Variants in NAALADL2 observed in about 807,000 individuals in gnomAD.
NAALADL2 encodes inactive N-acetylated-alpha-linked acidic dipeptidase-like protein 2.
Under a neutral mutation model 87.2 loss-of-function variants are expected in NAALADL2, and 76 were observed. That is an observed-to-expected ratio of 0.87 (90% CI 0.72 to 1.05). The LOEUF (loss-of-function observed/expected upper bound fraction) is 1.05. NAALADL2 is among the 50% of genes least tolerant of loss of function. The probability of loss-of-function intolerance (pLI) is 0.00; values close to 1 mark genes in which losing one functional copy is unlikely to be tolerated. For synonymous variants in NAALADL2, 354 were observed against 331.0 expected (o/e 1.07, Z -0.75); for missense variants, 1,089 against 945.8 (o/e 1.15, Z -1.99).
At chr3:175,334,635 GT>G (rs34922971) in intron 5 of NAALADL2, among the ~76,000 whole-genome samples, 3 of 151,938 alleles carry the variant, frequency 2.0e-5, no homozygotes, top group Non-Finnish European at 2.9e-5. Context: ...CTTTGTTGGA[GT>G]TTTTTTCCCC....
intron 2 of NAALADL2, among the ~76,000 whole-genome samples, chr3:175,221,582 G>T (rs565715445): frequency 6.6e-6 from 1 of 151,864 alleles, no homozygotes; most frequent in Non-Finnish European, 1.5e-5. Context: ...TGCATTTTTT[G>T]GTACCTTCAA....
chr3:175,513,657 TCTGTC>T (rs1400371745), intron 9 of NAALADL2, among the ~76,000 whole-genome samples: 4 of 152,260 alleles, frequency 2.6e-5, no homozygotes, highest in Admixed American at 6.5e-5. Context: ...TTTTATTTGT[TCTGTC>T]CTTTCTAAAA....
chr3:175,740,635 T>C (rs1397575037), intron 12 of NAALADL2, among the ~76,000 whole-genome samples: 1 of 152,226 alleles, frequency 6.6e-6, no homozygotes, highest in East Asian at 1.9e-4. Flanking sequence ...TTGCAAAATA[T>C]AGTAATTAAG....
intron 10 of NAALADL2, among the ~76,000 whole-genome samples, chr3:175,621,349 T>G (rs937997712): frequency 2.0e-5 from 3 of 152,234 alleles, no homozygotes; most frequent in African/African-American, 7.2e-5. Flanking sequence ...ACCTACCCTT[T>G]GCAATGTAAT....
In NAALADL2 at chr3:175,140,413, T is replaced by C. The variant is rs540207969; in HGVS notation, c.545+43122T>C. 3.9e-5 allele frequency among the ~76,000 whole-genome samples: 6 copies of C among 152,188 alleles called. No individual in the cohort carries two copies. In the South Asian group the frequency reaches 8.3e-4, roughly 21 times the overall value. ...GGAATGAGAATTATGCAACACACCA[T>C]AGTGTGCTAAGTACATGATAAAGGC... On this transcript the variant is annotated intron_variant, in intron 2 of 13. Coordinates refer to ENST00000454872, the MANE Select transcript of NAALADL2 (RefSeq NM_207015.3).
At chr3:175,600,598 C>G (rs796342291) in intron 10 of NAALADL2, among the ~76,000 whole-genome samples, 1 of 119,170 alleles carries the variant, frequency 8.4e-6, no homozygotes, top group South Asian at 3.0e-4. Context: ...AGTCCAGTGG[C>G]GCGATCTCGG....
At chr3:175,104,302 A>G (rs574830079) in intron 2 of NAALADL2, among the ~76,000 whole-genome samples, 1 of 152,306 alleles carries the variant, frequency 6.6e-6, no homozygotes, top group East Asian at 1.9e-4. Flanking sequence ...ATCCATGAAG[A>G]ACCACAGAGT....
intron 1 of NAALADL2, among the ~76,000 whole-genome samples, chr3:174,502,522 T>A (rs73881186): frequency 0.031 from 4,787 of 152,264 alleles, 242 homozygotes; most frequent in African/African-American, 0.11. Flanking sequence ...TTAAATTACC[T>A]CAAATCTTTT....
At chr3:175,011,274 GAGAGAC>G (rs199745277) in intron 1 of NAALADL2, among the ~76,000 whole-genome samples, 4,393 of 113,110 alleles carry the variant, frequency 0.039, 153 homozygotes, top group African/African-American at 0.14. Context: ...GAGAGAGACA[GAGAGAC>G]AGAGAGAGAG....
chr3:175,764,233 C>A (rs1291466047), intron 13 of NAALADL2, among the ~76,000 whole-genome samples: 2 of 151,768 alleles, frequency 1.3e-5, no homozygotes, highest in Non-Finnish European at 2.9e-5. Context: ...GGTATTTCAG[C>A]TACATCTTGG....
At chr3:174,772,812 A>G (rs1203341213) in intron 3 of NAALADL2, among the ~76,000 whole-genome samples, 1 of 152,208 alleles carries the variant, frequency 6.6e-6, no homozygotes, top group Non-Finnish European at 1.5e-5. Context: ...TCATGTCAGT[A>G]TCATCTTCTG....
intron 1 of NAALADL2, among the ~76,000 whole-genome samples, chr3:174,509,404 C>CT (rs34028719): frequency 0.36 from 38,784 of 106,704 alleles, 5,939 homozygotes; most frequent in South Asian, 0.47. Context: ...TCCTTTCTTT[C>CT]TTTTTTTTTT....
intron 3 of NAALADL2, among the ~76,000 whole-genome samples, chr3:174,742,883 CAAT>C (rs1031181587): frequency 6.6e-6 from 1 of 151,376 alleles, no homozygotes. Context: ...TACAAAATAA[CAAT>C]GATGTGTTTT....
chr3:174,728,318 T>C (rs1015783312), intron 2 of NAALADL2, among the ~76,000 whole-genome samples: 4 of 152,000 alleles, frequency 2.6e-5, no homozygotes, highest in African/African-American at 7.2e-5. Flanking sequence ...GAATATGAAC[T>C]TATAATAAGC....
chr3:175,476,167 A>C (rs1336570858), intron 9 of NAALADL2, among the ~76,000 whole-genome samples: 2 of 152,168 alleles, frequency 1.3e-5, no homozygotes, highest in Non-Finnish European at 2.9e-5. Flanking sequence ...ATTTCAAGTC[A>C]ACTACGTTCG....
intron 3 of NAALADL2, among the ~76,000 whole-genome samples, chr3:175,247,726 G>A (rs1021221462): frequency 1.3e-5 from 2 of 152,138 alleles, no homozygotes; most frequent in Non-Finnish European, 1.5e-5. Context: ...ATTAAACCAA[G>A]CAGGGAGACT....
chr3:175,396,530 C>A (rs903909078), intron 5 of NAALADL2, among the ~76,000 whole-genome samples: 1 of 136,790 alleles, frequency 7.3e-6, no homozygotes, highest in African/African-American at 2.6e-5. Flanking sequence ...GCACACATAA[C>A]CAAATGGATT....
At chr3:175,083,544 C>T (rs1718297179) in intron 1 of NAALADL2, among the ~76,000 whole-genome samples, 1 of 152,088 alleles carries the variant, frequency 6.6e-6, no homozygotes. Flanking sequence ...AGAACAGTGA[C>T]TTTTTCTGGA....
chr3:174,609,356 A>C (rs1198216024), intron 2 of NAALADL2, among the ~76,000 whole-genome samples: 2 of 152,092 alleles, frequency 1.3e-5, no homozygotes, highest in Non-Finnish European at 2.9e-5. Flanking sequence ...TCCAATTAGG[A>C]AAAGAGGAAG....
Sources: allele counts gnomAD v4.1 joint callset (sites outside exome capture counted in the v4.1 genomes callset), GRCh38; gene constraint gnomAD v4.1.1; transcripts MANE v1.5; gene names NCBI Gene and HGNC (gene_info 2026-07-23, HGNC 2026-07-21).